Variants in HS2ST1 observed in about 807,000 individuals in gnomAD.
HS2ST1 encodes the protein heparan sulfate 2-O-sulfotransferase 1, also known as 2-O-sulfotransferase.
In HS2ST1, 18 loss-of-function variants were observed where a neutral mutation model predicts 42.9. The observed-to-expected ratio is 0.42, with a 90% confidence interval of 0.29 to 0.62. The LOEUF (loss-of-function observed/expected upper bound fraction) is 0.62. Among genes scored for constraint, HS2ST1 ranks in the 20% least tolerant of loss-of-function variants. The pLI is 0.21. For synonymous variants in HS2ST1, 146 were observed against 152.9 expected, an observed-to-expected ratio of 0.95 and a Z score of 0.33; for missense variants, 334 against 433.8, an observed-to-expected ratio of 0.77 and a Z score of 2.04.
intron 1 of HS2ST1, among the ~76,000 whole-genome samples, chr1:87,049,455 C>T (rs1650779133): frequency 6.6e-6 from 1 of 151,964 alleles, no homozygotes; most frequent in Non-Finnish European, 1.5e-5. Context: ...TTACATCTTA[C>T]AATTTTGATG....
intron 1 of HS2ST1, among the ~76,000 whole-genome samples, chr1:87,006,233 GA>G (rs1386413898): frequency 6.6e-6 from 1 of 152,058 alleles, no homozygotes; most frequent in Non-Finnish European, 1.5e-5. Context: ...GGATAGTAGT[GA>G]ATTAATGAAA....
chr1:87,045,564 A>G (rs1416289047), intron 1 of HS2ST1: 13 of 794,366 alleles, frequency 1.6e-5, no homozygotes, highest in Admixed American at 1.5e-4. Flanking sequence ...ACAAGGCACA[A>G]GAAACTTCTT....
intron 1 of HS2ST1, among the ~76,000 whole-genome samples, chr1:86,965,108 TA>T (rs1236151883): frequency 2.6e-5 from 4 of 152,238 alleles, no homozygotes; most frequent in African/African-American, 9.6e-5. Flanking sequence ...AAAAGGATTT[TA>T]TGCATCTTTC....
In HS2ST1 at chr1:87,101,290, T is replaced by C. The variant is rs545936650; in HGVS notation, c.687-2142T>C. Among the ~76,000 whole-genome samples the C allele has an allele frequency of 1.2e-3, 183 of 150,642 alleles. 1 individual carries two copies. The highest frequency in any genetic ancestry group is 4.2e-3 in the African/African-American group (172 of 41,048). The stretch of plus-strand genomic sequence containing the variant: ...AGGCAATTCTCCTGCCTCAGCCTCC[T>C]GAGTAGCTGGGATTACAGGCGTGTG... On this transcript the variant is annotated intron_variant, in intron 5 of 6. Coordinates refer to ENST00000370550, the MANE Select transcript of HS2ST1 (RefSeq NM_012262.4).
chr1:86,929,490 A>C (rs1570427648), intron 1 of HS2ST1, among the ~76,000 whole-genome samples: 1 of 151,796 alleles, frequency 6.6e-6, no homozygotes, highest in African/African-American at 2.4e-5. Flanking sequence ...TTTTCATATA[A>C]ATTCTAGAAA....
Position 87,067,174 on chromosome 1 carries a change from T to G in HS2ST1, c.125-5760T>G, listed in dbSNP as rs566458626. ...TGTTTTCCACAATGGTTGAACTAAT[T>G]TACACTCCCATCAACAGTGTAAAAG... On this transcript the variant is annotated intron_variant, in intron 1 of 6. Transcript: ENST00000370550. Among the ~76,000 whole-genome samples the G allele has an allele frequency of 2.0e-5, 3 of 152,326 alleles. No individual in the cohort carries two copies. In the East Asian group the frequency reaches 5.8e-4, roughly 29 times the overall value.
chr1:86,994,486 A>G (rs1027474384), intron 1 of HS2ST1, among the ~76,000 whole-genome samples: 4 of 152,190 alleles, frequency 2.6e-5, no homozygotes, highest in Admixed American at 2.6e-4. Flanking sequence ...ATTCTAGAAT[A>G]CAAAATTACT....
chr1:86,963,744 G>C (rs1458402226), intron 1 of HS2ST1, among the ~76,000 whole-genome samples: 6 of 127,266 alleles, frequency 4.7e-5, no homozygotes, highest in Admixed American at 7.5e-5. Flanking sequence ...AGGCAGAGGC[G>C]CCCCCCCCCC....
intron 1 of HS2ST1, among the ~76,000 whole-genome samples, chr1:87,007,069 T>A (rs1035630556): frequency 1.3e-5 from 2 of 152,024 alleles, no homozygotes; most frequent in African/African-American, 4.8e-5. Flanking sequence ...GCATAAAGAT[T>A]TTTTGGTCAA....
intron 1 of HS2ST1, among the ~76,000 whole-genome samples, chr1:86,983,811 G>A (rs1416391827): frequency 6.6e-6 from 1 of 152,128 alleles, no homozygotes; most frequent in Admixed American, 6.6e-5. Context: ...GGGAGGCCGA[G>A]GCGGGTGGAT....
Position 87,072,883 on chromosome 1 carries a change from C to G in HS2ST1, c.125-51C>G, listed in dbSNP as rs964583821. 62 of 1,302,358 alleles carry G rather than the reference C, an allele frequency of 4.8e-5. 1 individual carries two copies. Among genetic ancestry groups the G allele is most frequent in the Non-Finnish European group, 8.8e-6 (8 of 905,420 alleles). 80.7% of individuals were successfully genotyped at this position (1,302,358 alleles called of 1,614,324 possible). A position where few individuals can be genotyped will look rare whatever the true frequency, so the allele number is the denominator to read the frequency against. On this transcript the variant is annotated intron_variant, in intron 1 of 6. Transcript: ENST00000370550. ...ATGGTCCAAAGTTCAGTGTTCATAACTTCCTTATAGTGTCCTTAAAAACTT... is the reference window on the plus strand; with the variant it reads ...ATGGTCCAAAGTTCAGTGTTCATAAGTTCCTTATAGTGTCCTTAAAAACTT...
At chr1:87,022,348 G>A (rs1054711641) in intron 1 of HS2ST1, among the ~76,000 whole-genome samples, 11 of 151,998 alleles carry the variant, frequency 7.2e-5, no homozygotes, top group Non-Finnish European at 1.5e-4. Flanking sequence ...TGTTATGAGC[G>A]AATACAGTCA....
At chr1:87,047,676 T>G (rs1351181713) in intron 1 of HS2ST1, among the ~76,000 whole-genome samples, 1 of 152,206 alleles carries the variant, frequency 6.6e-6, no homozygotes, top group Non-Finnish European at 1.5e-5. Flanking sequence ...GTGATCATTT[T>G]CTTCATTGAA....
At chr1:86,971,953 A>G (rs1407615828) in intron 1 of HS2ST1, among the ~76,000 whole-genome samples, 2 of 152,200 alleles carry the variant, frequency 1.3e-5, no homozygotes, top group Admixed American at 6.5e-5. Flanking sequence ...AACTTTTTAT[A>G]CTTGTCATAA....
Position 87,109,279 on chromosome 1 carries a change from A to T in HS2ST1, c.*4583A>T, listed in dbSNP as rs1181864892. 6.6e-6 allele frequency: 1 copy of T among 152,278 alleles called. No homozygotes were observed. The highest frequency in any genetic ancestry group is 1.9e-4 in the East Asian group (1 of 5,200). 9.4% of individuals were successfully genotyped at this position (152,278 alleles called of 1,614,324 possible). Reference sequence around the variant, plus strand: ...TGTTCAGTGTCAACTTAACTCTCAGATAGTGTTGCCATCAAGAAAGCATGC... The same window carrying T: ...TGTTCAGTGTCAACTTAACTCTCAGTTAGTGTTGCCATCAAGAAAGCATGC... On this transcript the variant is annotated 3_prime_UTR_variant, in exon 7 of 7. Coordinates refer to ENST00000370550, the MANE Select transcript of HS2ST1 (RefSeq NM_012262.4).
chr1:87,105,698 A>T lies in HS2ST1; in HGVS notation c.*1002A>T, dbSNP rs1652311391. 1 of 152,564 alleles carries T rather than the reference A, an allele frequency of 6.6e-6. No individual in the cohort carries two copies. Among genetic ancestry groups the T allele is most frequent in the Non-Finnish European group, 1.5e-5 (1 of 67,950 alleles). The allele number at this position is 152,564 out of a possible 1,614,324, so 9.5% of individuals were successfully genotyped here. On this transcript the variant is annotated 3_prime_UTR_variant, in exon 7 of 7. Coordinates refer to ENST00000370550, the MANE Select transcript of HS2ST1 (RefSeq NM_012262.4). ...GTATTTGGACCAAAAGGTTACAAGT[A>T]ATTAGACAAAAGTGGTTTTGCACCA... is the stretch of plus-strand genomic sequence containing the variant.
rs146449495 is a variant in HS2ST1, at chr1:86,949,223, C to T, written c.124+34063C>T. ...TCCTGGGTTCAAGTGATTCTCTCAC[C>T]TCAGCCTCCCGAATAGATGGGATTA... On this transcript the variant is annotated intron_variant, in intron 1 of 6. Coordinates refer to ENST00000370550, the MANE Select transcript of HS2ST1 (RefSeq NM_012262.4). Among the ~76,000 whole-genome samples, 421 of 152,218 alleles carry T rather than the reference C, an allele frequency of 2.8e-3. 1 individual carries two copies. The highest frequency in any genetic ancestry group is 9.8e-3 in the African/African-American group (408 of 41,528).
chr1:87,030,816 AAG>A (rs2100595508), intron 1 of HS2ST1, among the ~76,000 whole-genome samples: 1 of 152,356 alleles, frequency 6.6e-6, no homozygotes, highest in Non-Finnish European at 1.5e-5. Context: ...GTAGGACTGT[AAG>A]AATTTTAACT....
At chr1:86,964,911 G>C (rs1047544353) in intron 1 of HS2ST1, among the ~76,000 whole-genome samples, 1 of 152,084 alleles carries the variant, frequency 6.6e-6, no homozygotes, top group Non-Finnish European at 1.5e-5. Flanking sequence ...ATGATGTCCC[G>C]TGTGCTTAGA....
Sources: allele counts gnomAD v4.1 joint callset (sites outside exome capture counted in the v4.1 genomes callset), GRCh38; gene constraint gnomAD v4.1.1; transcripts MANE v1.5; gene names NCBI Gene and HGNC (gene_info 2026-07-23, HGNC 2026-07-21).